The following SMAD7 variants were observed in gnomAD, a reference collection of about 807,000 sequenced individuals.
The protein encoded by SMAD7 is MAD (mothers against decapentaplegic, Drosophila) homolog 7.
SMAD7 carries 8 observed loss-of-function variants against 38.7 expected under a neutral mutation model. The observed-to-expected ratio is 0.21, with a 90% CI of 0.12 to 0.37. SMAD7 has a LOEUF of 0.37. SMAD7 is among the 10% of genes least tolerant of loss of function. SMAD7 has a pLI of 1.00. For synonymous variants in SMAD7, 327 were observed against 265.1 expected, an observed-to-expected ratio of 1.23 and a Z score of -2.27; for missense variants, 477 against 577.9, an observed-to-expected ratio of 0.83 and a Z score of 1.79.
chr18:48,931,093 T>C (rs12606206), intron 3 of SMAD7, among the ~76,000 whole-genome samples: 4,246 of 152,246 alleles, frequency 0.028, 146 homozygotes, highest in African/African-American at 0.079. Flanking sequence ...ATTCCACTAT[T>C]CTATGAAGTA....
At chr18:48,945,416 C>G (rs772497483) in intron 2 of SMAD7, among the ~76,000 whole-genome samples, 1 of 151,908 alleles carries the variant, frequency 6.6e-6, no homozygotes, top group South Asian at 2.1e-4. Context: ...GAGCCGAGAT[C>G]GGGCCACTGC....
At chr18:48,939,210 G>A (rs915419465) in intron 3 of SMAD7, among the ~76,000 whole-genome samples, 1 of 127,928 alleles carries the variant, frequency 7.8e-6, no homozygotes, top group African/African-American at 3.0e-5. Context: ...CTTGCACCCA[G>A]CAATCCATCT....
intron 3 of SMAD7, among the ~76,000 whole-genome samples, chr18:48,932,323 ACAGTCATAT>A (rs1049422059): frequency 6.6e-6 from 1 of 152,246 alleles, no homozygotes; most frequent in Non-Finnish European, 1.5e-5. Flanking sequence ...TGCCAACGGC[ACAGTCATAT>A]CTTGGCGTCT....
At chr18:48,948,761 C>T (rs1398315062) in intron 1 of SMAD7, among the ~76,000 whole-genome samples, 3 of 152,256 alleles carry the variant, frequency 2.0e-5, no homozygotes, top group African/African-American at 7.2e-5. Context: ...CCTCCCCGTC[C>T]TCGGACTCCA....
rs116411830 is a variant in SMAD7 at position 48,930,778 on chromosome 18, C to T, written c.743-8868G>A. On this transcript the variant is annotated intron_variant, in intron 3 of 3. Transcript: ENST00000262158. Reference sequence around the variant, plus strand: ...GTTGGCGATGCCTTAAAAAATTAAACACAGAATGACAGTGTAATTTAGCAA... The same window carrying T: ...GTTGGCGATGCCTTAAAAAATTAAATACAGAATGACAGTGTAATTTAGCAA... Among the ~76,000 whole-genome samples the T allele has an allele frequency of 8.5e-3, 1,295 of 152,326 alleles. 13 individuals are homozygous for T. The highest frequency in any genetic ancestry group is 0.03 in the African/African-American group (1,240 of 41,562).
At chr18:48,931,564 A>G (rs1320044388) in intron 3 of SMAD7, among the ~76,000 whole-genome samples, 1 of 152,252 alleles carries the variant, frequency 6.6e-6, no homozygotes, top group East Asian at 1.9e-4. Flanking sequence ...GACAGAAAGA[A>G]CTACAACCTT....
intron 3 of SMAD7, among the ~76,000 whole-genome samples, chr18:48,927,427 G>A (rs2069942177): frequency 6.6e-6 from 1 of 152,098 alleles, no homozygotes; most frequent in Non-Finnish European, 1.5e-5. Context: ...CTGGTTCCCG[G>A]GCCCAGCAGG....
At chr18:48,922,572 A>G (rs1053995595) in intron 3 of SMAD7, among the ~76,000 whole-genome samples, 10 of 152,224 alleles carry the variant, frequency 6.6e-5, no homozygotes, top group Non-Finnish European at 1.2e-4. Flanking sequence ...TAATAGGAAA[A>G]CAGTCTCAGT....
rs1388676431 is a variant in SMAD7 at position 48,920,928 on chromosome 18, C to G, written c.*444G>C. ...AGACACCGCTTGGGACTGCAAACCT[C>G]TCTGCTGGGGACATCCATAAGAGAC... On this transcript the variant is annotated 3_prime_UTR_variant, in exon 4 of 4. Coordinates refer to ENST00000262158, the MANE Select transcript of SMAD7 (RefSeq NM_005904.4). The G allele has an allele frequency of 1.2e-5, 2 of 163,236 alleles. No homozygotes were observed. Among genetic ancestry groups the G allele is most frequent in the Non-Finnish European group, 2.7e-5 (2 of 75,218 alleles). The allele number at this position is 163,236 out of a possible 1,614,324, so 10.1% of individuals were successfully genotyped here.
chr18:48,948,507 G>C, intron 1 of SMAD7, 70 bp from the exon 2 acceptor site: 1 of 1,122,918 alleles, frequency 8.9e-7, no homozygotes, highest in Non-Finnish European at 1.3e-6. Context: ...TATGATAACA[G>C]AGGCATTCTT....
At position 48,919,973 on chromosome 18, in the gene SMAD7, ATT is replaced by A. The variant is rs1490008745; in HGVS notation, c.*1397_*1398del. On this transcript the variant is annotated 3_prime_UTR_variant, in exon 4 of 4. Transcript: ENST00000262158. ...TTGTGTTTATCTTTTTTAATTTGGC[ATT>A]TGTTATTTGCATTTATATTAAAGCA... is the stretch of plus-strand genomic sequence containing the variant. 1 of 152,598 alleles carries A rather than the reference ATT, an allele frequency of 6.6e-6. No individual in the cohort carries two copies. Among genetic ancestry groups the A allele is most frequent in the Non-Finnish European group, 1.5e-5 (1 of 68,032 alleles). 9.5% of individuals were successfully genotyped at this position (152,598 alleles called of 1,614,324 possible).
At chr18:48,933,045 C>T (rs2070021183) in intron 3 of SMAD7, among the ~76,000 whole-genome samples, 2 of 152,094 alleles carry the variant, frequency 1.3e-5, no homozygotes, top group African/African-American at 4.8e-5. Flanking sequence ...GGATTATAAC[C>T]ACAGCTCCTG....
chr18:48,945,345 C>T (rs2070183871), intron 2 of SMAD7, among the ~76,000 whole-genome samples: 1 of 152,124 alleles, frequency 6.6e-6, no homozygotes, highest in Non-Finnish European at 1.5e-5. Flanking sequence ...ACCTGTAGTC[C>T]CAGCTGCTCG....
chr18:48,932,953 C>T (rs2337107), intron 3 of SMAD7, among the ~76,000 whole-genome samples: 77,827 of 151,958 alleles, frequency 0.51, 22,355 homozygotes, highest in African/African-American at 0.8. Flanking sequence ...ACCCCTTGGC[C>T]GTGGTCCACT....
intron 3 of SMAD7, chr18:48,933,790 A>G (rs2070031567): frequency 1.3e-5 from 2 of 152,350 alleles, no homozygotes; most frequent in African/African-American, 4.8e-5. Context: ...ACCTGCCCAC[A>G]GCATTCTGCT....
At chr18:48,927,339 C>T (rs891461026) in intron 3 of SMAD7, among the ~76,000 whole-genome samples, 8 of 151,384 alleles carry the variant, frequency 5.3e-5, no homozygotes, top group African/African-American at 1.9e-4. Context: ...TTTGCAGCAT[C>T]TCCAGTGAAG....
rs958491643 is a variant in SMAD7, at chr18:48,922,682, C to T, written c.743-772G>A. On this transcript the variant is annotated intron_variant, in intron 3 of 3. Coordinates refer to ENST00000262158, the MANE Select transcript of SMAD7 (RefSeq NM_005904.4). ...AACCCGGGCTACCTTAACAAAGCTT[C>T]CTCCAGCCCAGACAGAAGATTATGT... is the stretch of plus-strand genomic sequence containing the variant. Among the ~76,000 whole-genome samples the T allele has an allele frequency of 3.3e-5, 5 of 152,192 alleles. No individual in the cohort carries two copies. The South Asian group carries it at 1.0e-3, about 32-fold the overall frequency.
At chr18:48,949,054 G>C (rs1334658791) in intron 1 of SMAD7, among the ~76,000 whole-genome samples, 1 of 152,234 alleles carries the variant, frequency 6.6e-6, no homozygotes, top group African/African-American at 2.4e-5. Flanking sequence ...GGTCTCAGCC[G>C]AGAAGCCCAG....
chr18:48,934,400 C>CG (rs2070039253), intron 3 of SMAD7, among the ~76,000 whole-genome samples: 1 of 151,878 alleles, frequency 6.6e-6, no homozygotes, highest in East Asian at 1.9e-4. Flanking sequence ...AAGGCAGTAC[C>CG]GGGGGTGGGT....
Sources: allele counts gnomAD v4.1 joint callset (sites outside exome capture counted in the v4.1 genomes callset), GRCh38; gene constraint gnomAD v4.1.1; transcripts MANE v1.5; gene names NCBI Gene and HGNC (gene_info 2026-07-23, HGNC 2026-07-21).